Variants in ZNF398 observed in about 807,000 individuals in gnomAD.
The protein encoded by ZNF398 is zinc finger protein 398.
ZNF398 carries 18 observed loss-of-function variants against 41.9 expected under a neutral mutation model. The ratio of observed to expected loss-of-function variants is 0.43; its 90% CI spans 0.30 to 0.64. The LOEUF (loss-of-function observed/expected upper bound fraction) is 0.64, where lower values mean the gene tolerates loss of function less well. ZNF398 is among the 30% of genes least tolerant of loss of function. ZNF398 has a pLI of 0.14. For synonymous variants in ZNF398, 260 were observed against 308.8 expected (o/e 0.84, Z 1.66); for missense variants, 669 against 822.8 (o/e 0.81, Z 2.29).
intron 2 of ZNF398, among the ~76,000 whole-genome samples, chr7:149,155,384 C>A (rs1344073098): frequency 6.6e-6 from 1 of 152,100 alleles, no homozygotes; most frequent in Non-Finnish European, 1.5e-5. Flanking sequence ...TGCGCCACTG[C>A]ACTCCAGCCT....
intron 1 of ZNF398, among the ~76,000 whole-genome samples, chr7:149,127,871 C>T (rs979685289): frequency 1.3e-5 from 2 of 152,174 alleles, no homozygotes; most frequent in Non-Finnish European, 2.9e-5. Context: ...CTGCCATTCT[C>T]TTCTGTGCTT....
chr7:149,164,627 T>G (rs1795188351), intron 2 of ZNF398, among the ~76,000 whole-genome samples: 1 of 152,058 alleles, frequency 6.6e-6, no homozygotes, highest in Non-Finnish European at 1.5e-5. Flanking sequence ...CAAAGTGCCC[T>G]TAGTAAAAAA....
At position 149,147,778 on chromosome 7, in the gene ZNF398, C is replaced by T. The variant is rs1046682498; in HGVS notation, c.24+12C>T. 1 of 1,394,674 alleles carries T rather than the reference C, an allele frequency of 7.2e-7. No homozygotes were observed. The highest frequency in any genetic ancestry group is 3.1e-5 in the Admixed American group (1 of 31,816). The allele number at this position is 1,394,674 out of a possible 1,614,324, so 86.4% of individuals were successfully genotyped here. ...CGGCCCCGGCCCCGGTAAGGGCGGCCGCGCGCGAGTGTTGTGAGCCCCCGA... is the reference window on the plus strand; with the variant it reads ...CGGCCCCGGCCCCGGTAAGGGCGGCTGCGCGCGAGTGTTGTGAGCCCCCGA... On this transcript the variant is annotated intron_variant, in intron 1 of 5. Transcript: ENST00000475153. The surrounding 1 kb of genome is among the most constrained non-coding windows in gnomAD (Gnocchi z 5.6).
intron 2 of ZNF398, among the ~76,000 whole-genome samples, chr7:149,137,501 C>T (rs1826738425): frequency 6.6e-6 from 1 of 152,174 alleles, no homozygotes; most frequent in Non-Finnish European, 1.5e-5. Flanking sequence ...CCCGCCTCAG[C>T]CTCCTGAGTA....
Position 149,176,486 on chromosome 7 carries a change from C to A in ZNF398, c.680C>A (p.Ser227Ter). The stretch of plus-strand genomic sequence containing the variant: ...AAATTAGAGCCTGGTATTTCAACAT[C>A]AGATATTCTGTCTTGGATTAAACAA... ...DPSEEPGIST[S>*]DILSWIKQEE... is the part of the protein sequence containing the mutation. The change falls in exon 5 of 6, where the codon TCA (serine) becomes TAA (stop). Residue 227 changes from serine (S) to a stop codon, truncating the protein, a stop_gained. Coordinates refer to ENST00000475153, the MANE Select transcript of ZNF398 (RefSeq NM_170686.3). LOFTEE classifies it high-confidence loss of function. 6.2e-7 allele frequency: 1 copy of A among 1,613,708 alleles called. No homozygotes were observed.
At chr7:149,173,785 CTTTTTTTT>C (rs528703910) in intron 4 of ZNF398, among the ~76,000 whole-genome samples, 7 of 71,594 alleles carry the variant, frequency 9.8e-5, no homozygotes, top group Non-Finnish European at 1.6e-4. Flanking sequence ...TAGCATAATT[CTTTTTTTT>C]TTTTTTTTTT....
At chr7:149,157,305 C>T (rs1795001147) in intron 2 of ZNF398, among the ~76,000 whole-genome samples, 1 of 151,994 alleles carries the variant, frequency 6.6e-6, no homozygotes, top group East Asian at 1.9e-4. Context: ...GAGGCCGAGG[C>T]GGGCGGATCA....
At chr7:149,150,709 C>G (rs1355129486) in intron 1 of ZNF398, among the ~76,000 whole-genome samples, 1 of 100,658 alleles carries the variant, frequency 9.9e-6, no homozygotes, top group Non-Finnish European at 2.1e-5. Context: ...TCCCGCGCCC[C>G]CCCGCCTCCC....
chr7:149,148,863 C>CTTTTTTTTTTTTTTTTT lies in ZNF398; in HGVS notation c.24+1109_24+1125dup, dbSNP rs59895177. ...TTTATGCACGGACCTTTTTCTTTGT[C>CTTTTTTTTTTTTTTTTT]TTTTTTTTTTTTTTTTTTTTTTTTT... On this transcript the variant is annotated intron_variant, in intron 1 of 5. Transcript: ENST00000475153. 2.0e-3 allele frequency among the ~76,000 whole-genome samples: 129 copies of CTTTTTTTTTTTTTTTTT among 63,274 alleles called. 17 individuals carry two copies. The highest frequency in any genetic ancestry group is 7.3e-3 in the East Asian group (12 of 1,650). The allele number at this position is 63,274 out of a possible 152,430, so 41.5% of individuals were successfully genotyped here. A position where few individuals can be genotyped will look rare whatever the true frequency, so the allele number is the denominator to read the frequency against.
intron 4 of ZNF398, among the ~76,000 whole-genome samples, chr7:149,172,901 G>T (rs540730420): frequency 6.6e-6 from 1 of 152,168 alleles, no homozygotes; most frequent in East Asian, 1.9e-4. Flanking sequence ...AGTCTATTAA[G>T]TTGGCAATAA....
intron 2 of ZNF398, among the ~76,000 whole-genome samples, chr7:149,131,247 C>T (rs77915369): frequency 8.0e-4 from 122 of 152,246 alleles, no homozygotes; most frequent in African/African-American, 2.6e-3. Context: ...GCTAATGATA[C>T]AAAAAATTCT....
intron 4 of ZNF398, among the ~76,000 whole-genome samples, chr7:149,167,628 T>A (rs1030790662): frequency 6.6e-6 from 1 of 150,582 alleles, no homozygotes; most frequent in East Asian, 1.9e-4. Flanking sequence ...TTTTTCTTTT[T>A]CTTTTCTTTT....
intron 2 of ZNF398, among the ~76,000 whole-genome samples, chr7:149,164,815 G>C (rs549275162): frequency 6.6e-6 from 1 of 152,256 alleles, no homozygotes; most frequent in South Asian, 2.1e-4. Context: ...ATTGTGGGAG[G>C]CCGGGCACGG....
rs978984521 is a variant in ZNF398 at position 149,130,018 on chromosome 7, C to T, written c.-490+1074C>T. On this transcript the variant is annotated intron_variant, in intron 2 of 6. Transcript: ENST00000426851. ...TTCTCCATGTTGGTCAGGCTGGTCT[C>T]GAACTCCCAACCTCAGGTGATCTGC... Among the ~76,000 whole-genome samples the T allele has an allele frequency of 7.2e-5, 11 of 151,906 alleles. 1 individual carries two copies. The highest frequency in any genetic ancestry group is 4.1e-4 in the South Asian group (2 of 4,828).
chr7:149,130,064 A>G (rs6958228), intron 2 of ZNF398, among the ~76,000 whole-genome samples: 126,178 of 151,888 alleles, frequency 0.83, 52,632 homozygotes, highest in East Asian at 1. Context: ...CTCCCAAAGT[A>G]CTGAGATTAC....
At position 149,178,828 on chromosome 7, in the gene ZNF398, C is replaced by T; in HGVS notation, c.956C>T (p.Ala319Val). The T allele has an allele frequency of 6.2e-7, 1 of 1,614,232 alleles. No homozygotes were observed. The change falls in exon 6 of 6, where the codon GCC becomes GTC. Residue 319 changes from alanine to valine, a missense_variant. Transcript: ENST00000475153. ...CGTCCAGCCACTGACCTGCCTGAAG[C>T]CTCTGAGGGACAAGTGACTTTTACT... Reference protein sequence around the residue: ...FGRPATDLPEASEGQVTFTQL... With the variant: ...FGRPATDLPEVSEGQVTFTQL...
At position 149,154,028 on chromosome 7, in the gene ZNF398, G is replaced by A. The variant is rs1325638081; in HGVS notation, c.108G>A (p.Leu36=). The A allele has an allele frequency of 4.3e-6, 7 of 1,614,048 alleles. No homozygotes were observed. Among genetic ancestry groups the A allele is most frequent in the Non-Finnish European group, 5.9e-6 (7 of 1,180,032 alleles). ...CCCCAGCAGCAAATGAGGCACACCT[G>A]CAGACAGCAGCTATCTCTCTGTGGA... is the stretch of plus-strand genomic sequence containing the variant. ...PTPPAANEAH[L]QTAAISLWTV... Residue 36 remains leucine, a synonymous_variant, in exon 2 of 6, where the codon CTG becomes CTA. Coordinates refer to ENST00000475153, the MANE Select transcript of ZNF398 (RefSeq NM_170686.3).
chr7:149,149,153 AAAAT>A (rs770128601), intron 1 of ZNF398, among the ~76,000 whole-genome samples: 15 of 152,168 alleles, frequency 9.9e-5, no homozygotes, highest in Non-Finnish European at 1.9e-4. Flanking sequence ...GAGAAGTTAA[AAAAT>A]AAATAGATGA....
intron 4 of ZNF398, among the ~76,000 whole-genome samples, chr7:149,175,366 C>T (rs922262388): frequency 1.3e-5 from 2 of 151,874 alleles, no homozygotes; most frequent in Non-Finnish European, 2.9e-5. Context: ...ATAATAAAGC[C>T]ATATAGGCCT....
Sources: gnomAD v4.1 joint callset for allele counts (sites outside exome capture counted in the v4.1 genomes callset) on GRCh38, gnomAD v4.1.1 for gene constraint, Gnocchi (gnomAD v3.1) non-coding constraint, MANE v1.5 for transcripts, NCBI Gene and HGNC (gene_info 2026-07-23, HGNC 2026-07-21) for gene names.